NCALD: variants seen among roughly 807,000 people sequenced by gnomAD.
NCALD encodes the protein neurocalcin delta, also known as neurocalcin-delta.
NCALD carries 10 observed loss-of-function variants against 18.6 expected under a neutral mutation model. That is an observed-to-expected ratio of 0.54 (90% CI 0.33 to 0.91). The LOEUF is 0.91. NCALD is among the 40% of genes least tolerant of loss of function. The pLI, the probability that NCALD is intolerant of heterozygous loss-of-function variation, is 0.03. For missense variants in NCALD, 184 were observed against 247.6 expected (o/e 0.74, Z 1.72); for synonymous variants, 88 against 87.4 (o/e 1.01, Z -0.04).
intron 4 of NCALD, among the ~76,000 whole-genome samples, chr8:101,832,081 A>C (rs1297535575): frequency 6.6e-6 from 1 of 152,234 alleles, no homozygotes; most frequent in Non-Finnish European, 1.5e-5. Flanking sequence ...AAGAGAAGAC[A>C]GTAAGGAATG....
intron 1 of NCALD, among the ~76,000 whole-genome samples, chr8:102,099,288 T>G (rs17507512): frequency 0.061 from 9,352 of 152,260 alleles, 423 homozygotes; most frequent in Non-Finnish European, 0.093. Flanking sequence ...ACCAAAGACT[T>G]GTCAAGGGAA....
At chr8:101,984,064 C>T (rs1428211130) in intron 2 of NCALD, among the ~76,000 whole-genome samples, 1 of 152,214 alleles carries the variant, frequency 6.6e-6, no homozygotes, top group Non-Finnish European at 1.5e-5. Context: ...TTCAGTCTAG[C>T]AATCTTCAGA....
chr8:102,121,221 G>A (rs555629019), intron 1 of NCALD, among the ~76,000 whole-genome samples: 12 of 152,226 alleles, frequency 7.9e-5, no homozygotes, highest in Admixed American at 2.6e-4. Flanking sequence ...TTGTTGTGTT[G>A]TGTTGTGTTT....
intron 1 of NCALD, among the ~76,000 whole-genome samples, chr8:102,026,191 T>C (rs778850594): frequency 1.3e-5 from 2 of 152,142 alleles, no homozygotes; most frequent in African/African-American, 4.8e-5. Flanking sequence ...CCAAATCTCA[T>C]GTCCTCACAA....
At chr8:102,041,077 G>T (rs1317196122) in intron 1 of NCALD, among the ~76,000 whole-genome samples, 2 of 152,134 alleles carry the variant, frequency 1.3e-5, no homozygotes, top group African/African-American at 4.8e-5. Context: ...CTCAATTCAG[G>T]TTTTAAAGAA....
At chr8:101,692,696 C>T (rs1411296842) in intron 3 of NCALD, 95 bp downstream of exon 3, 2 of 1,432,674 alleles carry the variant, frequency 1.4e-6, no homozygotes, top group Admixed American at 1.9e-5. Context: ...GAGCCGCTCA[C>T]ATTGAAGGGC....
At chr8:101,720,411 G>T (rs1173728862) in intron 1 of NCALD, among the ~76,000 whole-genome samples, 1 of 152,108 alleles carries the variant, frequency 6.6e-6, no homozygotes, top group Non-Finnish European at 1.5e-5. Flanking sequence ...TAGTAACATA[G>T]TAAAAGAGTG....
chr8:102,015,745 C>G (rs1461400150), intron 2 of NCALD, among the ~76,000 whole-genome samples: 1 of 152,104 alleles, frequency 6.6e-6, no homozygotes, highest in Non-Finnish European at 1.5e-5. Flanking sequence ...ACAAACTGTC[C>G]CCTTTGGCAG....
intron 1 of NCALD, among the ~76,000 whole-genome samples, chr8:102,114,882 C>T (rs1363452861): frequency 6.6e-6 from 1 of 152,198 alleles, no homozygotes; most frequent in Non-Finnish European, 1.5e-5. Context: ...AAGAGCTGTG[C>T]TCCAACCAAG....
At chr8:102,092,797 T>C (rs541685393) in intron 1 of NCALD, among the ~76,000 whole-genome samples, 5 of 152,312 alleles carry the variant, frequency 3.3e-5, no homozygotes, top group Admixed American at 6.5e-5. Flanking sequence ...TCAACAGCCT[T>C]CCTTAGCTCT....
intron 4 of NCALD, among the ~76,000 whole-genome samples, chr8:101,828,092 C>T (rs963457495): frequency 7.9e-5 from 12 of 152,164 alleles, no homozygotes; most frequent in African/African-American, 1.2e-4. Flanking sequence ...CACCTTGTGC[C>T]GTTTCTCACC....
At chr8:101,811,414 G>A (rs1418567465) in intron 4 of NCALD, among the ~76,000 whole-genome samples, 3 of 152,148 alleles carry the variant, frequency 2.0e-5, no homozygotes. Context: ...AGAGGCTACA[G>A]AATTGAACAA....
rs186604095 is a variant in NCALD at position 102,030,706 on chromosome 8, T to C, written c.-209-10417A>G. ...GCCTGGCCAACATGGCAAAACCCCA[T>C]CTCTACTAAAAATACAAAAATTAGC... On this transcript the variant is annotated intron_variant, in intron 1 of 6. Transcript: ENST00000311028. Among the ~76,000 whole-genome samples, 748 of 152,030 alleles carry C rather than the reference T, an allele frequency of 4.9e-3. 5 individuals are homozygous for C. The highest frequency in any genetic ancestry group is 0.017 in the Middle Eastern group (5 of 294).
intron 3 of NCALD, among the ~76,000 whole-genome samples, chr8:101,888,104 A>T (rs1322080817): frequency 6.6e-6 from 1 of 152,164 alleles, no homozygotes; most frequent in Non-Finnish European, 1.5e-5. Context: ...TTGGGGTCTC[A>T]TATATCAAAT....
chr8:101,974,219 A>C (rs1820340222), intron 2 of NCALD, among the ~76,000 whole-genome samples: 1 of 152,216 alleles, frequency 6.6e-6, no homozygotes. Flanking sequence ...ATTTCATTGA[A>C]AGTAATGGCA....
chr8:101,992,268 A>T (rs1037930966), intron 2 of NCALD, among the ~76,000 whole-genome samples: 1 of 152,158 alleles, frequency 6.6e-6, no homozygotes, highest in Non-Finnish European at 1.5e-5. Flanking sequence ...CTTCTGCCCT[A>T]ATCACATATA....
intron 2 of NCALD, among the ~76,000 whole-genome samples, chr8:101,926,194 C>G (rs1411660816): frequency 6.6e-6 from 1 of 152,230 alleles, no homozygotes; most frequent in African/African-American, 2.4e-5. Flanking sequence ...TCAGCAGCGG[C>G]AGGACCTTGG....
intron 4 of NCALD, among the ~76,000 whole-genome samples, chr8:101,882,222 G>T (rs556691219): frequency 6.6e-6 from 1 of 152,080 alleles, no homozygotes; most frequent in Non-Finnish European, 1.5e-5. Context: ...AAGATTCTTG[G>T]CATATGCTAT....
intron 1 of NCALD, among the ~76,000 whole-genome samples, chr8:101,737,179 C>T (rs1487604812): frequency 6.6e-6 from 1 of 151,982 alleles, no homozygotes; most frequent in African/African-American, 2.4e-5. Flanking sequence ...AGTGCAGTGG[C>T]GCCATCGTGG....
Sources: allele counts gnomAD v4.1 joint callset (sites outside exome capture counted in the v4.1 genomes callset), GRCh38; gene constraint gnomAD v4.1.1; transcripts MANE v1.5; gene names NCBI Gene and HGNC (gene_info 2026-07-23, HGNC 2026-07-21).